ZC3H6: variants seen among roughly 807,000 people sequenced by gnomAD.
ZC3H6 encodes the protein zinc finger CCCH-type containing 6, also known as zinc finger CCCH domain-containing protein 6.
In ZC3H6, 40 loss-of-function variants were observed where a neutral mutation model predicts 107.7. The observed-to-expected ratio is 0.37, with a 90% CI of 0.29 to 0.48. The LOEUF (loss-of-function observed/expected upper bound fraction) is 0.48. ZC3H6 is among the 20% of genes least tolerant of loss of function. ZC3H6 has a pLI of 0.98. For synonymous variants in ZC3H6, 493 were observed against 487.9 expected (o/e 1.01, Z -0.14); for missense variants, 1,267 against 1,410.4 (o/e 0.90, Z 1.63).
chr2:112,285,513 C>T (rs1469065037), intron 1 of ZC3H6, among the ~76,000 whole-genome samples: 1 of 151,996 alleles, frequency 6.6e-6, no homozygotes, highest in African/African-American at 2.4e-5. Flanking sequence ...CACAACGCCA[C>T]GCCCGGCTAA....
chr2:112,331,886 C>A lies in ZC3H6; in HGVS notation c.2968C>A (p.His990Asn). Residue 990 changes from histidine to asparagine, a missense_variant, in exon 12 of 12, where the codon CAT becomes AAT. This residue lies in a region of ZC3H6 where 925 missense variants were observed against 1,025.7 expected (regional missense o/e 0.90). Coordinates refer to ENST00000409871, the MANE Select transcript of ZC3H6 (RefSeq NM_198581.3). The part of the protein sequence containing the change: ...ESHQVVMKDS[H>N]ASKGAPHLPR... Reference sequence around the variant, plus strand: ...TCATCAAGTGGTTATGAAGGATTCACATGCATCAAAGGGTGCCCCTCACTT... The same window carrying A: ...TCATCAAGTGGTTATGAAGGATTCAAATGCATCAAAGGGTGCCCCTCACTT... 1 of 1,613,980 alleles carries A rather than the reference C, an allele frequency of 6.2e-7. No homozygotes were observed. The highest frequency in any genetic ancestry group is 1.1e-5 in the South Asian group (1 of 91,084).
intron 5 of ZC3H6, among the ~76,000 whole-genome samples, chr2:112,313,579 G>T (rs1460914986): frequency 6.6e-6 from 1 of 152,084 alleles, no homozygotes; most frequent in Non-Finnish European, 1.5e-5. Flanking sequence ...GTAGATCTGG[G>T]CTATACCTAA....
chr2:112,291,261 TCTCA>T (rs1296456507), intron 1 of ZC3H6, among the ~76,000 whole-genome samples: 36 of 152,150 alleles, frequency 2.4e-4, no homozygotes, highest in African/African-American at 2.9e-4. Flanking sequence ...TGGAACAGAG[TCTCA>T]CTCTGTCGGC....
Position 112,324,246 on chromosome 2 carries a change from C to G in ZC3H6, c.1435C>G (p.Pro479Ala). Residue 479 changes from proline (P) to alanine (A), a missense_variant, in exon 10 of 12, where the codon CCA becomes GCA. Transcript: ENST00000409871. ...ACATATCTATAGTTCTGGGTCAAGT[C>G]CAGGTCCTGGACCTAACATGTCTCA... ...PQHIYSSGSS[P>A]GPGPNMSQGH... The G allele has an allele frequency of 6.2e-7, 1 of 1,613,530 alleles. No individual in the cohort carries two copies. The highest frequency in any genetic ancestry group is 2.2e-5 in the East Asian group (1 of 44,850).
At position 112,324,487 on chromosome 2, in the gene ZC3H6, A is replaced by G; in HGVS notation, c.1676A>G (p.His559Arg). The change falls in exon 10 of 12, where the codon CAT (histidine) becomes CGT (arginine). Residue 559 changes from histidine to arginine, a missense_variant. By Grantham distance (29) the His-to-Arg change is conservative. Coordinates refer to ENST00000409871, the MANE Select transcript of ZC3H6 (RefSeq NM_198581.3). ...TACCACTCCCCAGGCTTTCCAGGAC[A>G]TGTGATGAAAGTACCCAGAGAGAAT... ...GAYHSPGFPG[H>R]VMKVPRENHC... is the part of the protein sequence containing the mutation. 1 of 1,613,740 alleles carries G rather than the reference A, an allele frequency of 6.2e-7. No homozygotes were observed. The highest frequency in any genetic ancestry group is 8.5e-7 in the Non-Finnish European group (1 of 1,179,762).
chr2:112,309,174 G>C (rs1676547822), intron 3 of ZC3H6, among the ~76,000 whole-genome samples: 1 of 152,116 alleles, frequency 6.6e-6, no homozygotes. Flanking sequence ...AAAAAAAATT[G>C]ACAGAGGATA....
intron 3 of ZC3H6, among the ~76,000 whole-genome samples, chr2:112,304,896 C>T (rs552358099): frequency 1.1e-4 from 17 of 152,076 alleles, no homozygotes; most frequent in African/African-American, 3.4e-4. Context: ...TCACTGTTGC[C>T]GCCTTTATAG....
chr2:112,285,508 C>T lies in ZC3H6; in HGVS notation c.32+9482C>T, dbSNP rs536886384. Among the ~76,000 whole-genome samples, 256 of 152,108 alleles carry T rather than the reference C, an allele frequency of 1.7e-3. 1 individual carries two copies. The highest frequency in any genetic ancestry group is 1.7e-3 in the Non-Finnish European group (113 of 67,992). On this transcript the variant is annotated intron_variant, in intron 1 of 11. Transcript: ENST00000409871. Reference sequence around the variant, plus strand: ...AGTAGCTGGGACTACAGGCCCACAACGCCACGCCCGGCTAATTTTTGTATT... The same window carrying T: ...AGTAGCTGGGACTACAGGCCCACAATGCCACGCCCGGCTAATTTTTGTATT...
intron 1 of ZC3H6, among the ~76,000 whole-genome samples, chr2:112,289,690 T>C (rs1046082489): frequency 6.6e-6 from 1 of 152,260 alleles, no homozygotes; most frequent in African/African-American, 2.4e-5. Context: ...TTTCTAGCTT[T>C]ATATGATTTT....
intron 1 of ZC3H6, among the ~76,000 whole-genome samples, chr2:112,291,125 G>T (rs1234424824): frequency 2.6e-5 from 4 of 152,052 alleles, no homozygotes; most frequent in South Asian, 2.1e-4. Flanking sequence ...ATTAGTTAGG[G>T]GTTTCTGGCA....
At chr2:112,302,886 C>T (rs1676408916) in intron 2 of ZC3H6, among the ~76,000 whole-genome samples, 2 of 151,290 alleles carry the variant, frequency 1.3e-5, no homozygotes, top group African/African-American at 4.9e-5. Context: ...GTTCTATGAC[C>T]TTTCTTGGTG....
In ZC3H6 at chr2:112,296,126, A is replaced by T. The variant is rs147503303; in HGVS notation, c.33-3723A>T. 3.3e-5 allele frequency among the ~76,000 whole-genome samples: 5 copies of T among 152,324 alleles called. No individual in the cohort carries two copies. The East Asian group carries it at 9.6e-4, about 29-fold the overall frequency. ...TTTTACAAATGTGTATAATGTATAT[A>T]TAGTAATCACACAGATTAATATACA... On this transcript the variant is annotated intron_variant, in intron 1 of 11. Coordinates refer to ENST00000409871, the MANE Select transcript of ZC3H6 (RefSeq NM_198581.3).
intron 1 of ZC3H6, chr2:112,285,921 A>G (rs1573945522): frequency 5.8e-6 from 1 of 172,972 alleles, no homozygotes; most frequent in Admixed American, 6.3e-5. Context: ...AGATTGCCCC[A>G]CTGCACTCCA....
rs1050389769 is a variant in ZC3H6, at chr2:112,335,324, A to G, written c.*2836A>G. ...TTATGTTTCTGTTTATCCTTTAGCC[A>G]TGGAACTTTAAAGAGTAGTGTTCCT... On this transcript the variant is annotated 3_prime_UTR_variant, in exon 12 of 12. Transcript: ENST00000409871. 2.0e-5 allele frequency: 3 copies of G among 152,220 alleles called. No homozygotes were observed. The highest frequency in any genetic ancestry group is 7.2e-5 in the African/African-American group (3 of 41,458). The allele number at this position is 152,220 out of a possible 1,614,324, so 9.4% of individuals were successfully genotyped here.
intron 1 of ZC3H6, among the ~76,000 whole-genome samples, chr2:112,289,239 C>T (rs1381265852): frequency 6.6e-6 from 1 of 151,030 alleles, no homozygotes; most frequent in Non-Finnish European, 1.5e-5. Flanking sequence ...CTCAAGTGAT[C>T]TGCCCACCTC....
intron 1 of ZC3H6, among the ~76,000 whole-genome samples, chr2:112,297,477 T>C (rs966680241): frequency 1.3e-5 from 2 of 152,262 alleles, no homozygotes; most frequent in Non-Finnish European, 2.9e-5. Context: ...TTTTTCAAAC[T>C]ATAGTGTTTT....
rs1364904364 is a variant in ZC3H6, at chr2:112,324,368, A to T, written c.1557A>T (p.Pro519=). ...GLPVPQSPPL[P]PGPPEIVGPQ... is the part of the protein sequence containing the mutation. ...CAGTGCCACAGAGCCCACCTTTACC[A>T]CCTGGTCCACCTGAAATTGTAGGTC... is the stretch of plus-strand genomic sequence containing the variant. The change falls in exon 10 of 12, where the codon CCA becomes CCT. Residue 519 remains proline (P), a synonymous_variant. Transcript: ENST00000409871. 1.2e-6 allele frequency: 2 copies of T among 1,613,762 alleles called. No individual in the cohort carries two copies. Among genetic ancestry groups the T allele is most frequent in the Non-Finnish European group, 1.7e-6 (2 of 1,179,868 alleles).
At chr2:112,302,678 C>T (rs1355361726) in intron 2 of ZC3H6, among the ~76,000 whole-genome samples, 1 of 151,990 alleles carries the variant, frequency 6.6e-6, no homozygotes, top group Non-Finnish European at 1.5e-5. Context: ...TATCAATTAT[C>T]ATTGTACTTG....
Position 112,299,975 on chromosome 2 carries a change from T to A in ZC3H6, c.159T>A (p.His53Gln), listed in dbSNP as rs1474648770. ...CCTACAGAAAATCAAGAAAAAAACA[T>A]AAGAAAGAGAGAGAGAAGAAAAAAT... Reference protein sequence around the residue: ...EKAYRKSRKKHKKEREKKKSK... With the variant: ...EKAYRKSRKKQKKEREKKKSK... Residue 53 changes from histidine (H) to glutamine (Q), a missense_variant, in exon 2 of 12, where the codon CAT (histidine) becomes CAA (glutamine). This residue lies in a region of ZC3H6 where 337 missense variants were observed against 361.2 expected (regional missense o/e 0.93). Transcript: ENST00000409871. The A allele has an allele frequency of 6.7e-7, 1 of 1,501,008 alleles. No individual in the cohort carries two copies. The highest frequency in any genetic ancestry group is 2.4e-5 in the Admixed American group (1 of 41,850). 93.0% of individuals were successfully genotyped at this position (1,501,008 alleles called of 1,614,324 possible). A position where few individuals can be genotyped will look rare whatever the true frequency, so the allele number is the denominator to read the frequency against.
Sources: allele counts gnomAD v4.1 joint callset (sites outside exome capture counted in the v4.1 genomes callset), GRCh38; gene constraint gnomAD v4.1.1; regional missense constraint gnomAD v4.1.1; transcripts MANE v1.5; gene names NCBI Gene and HGNC (gene_info 2026-07-23, HGNC 2026-07-21).